Variants in ZNF737 observed in about 807,000 individuals in gnomAD.
ZNF737 encodes zinc finger protein 737, also known as zinc finger protein 102 (Y3).
In ZNF737, 13 loss-of-function variants were observed where a neutral mutation model predicts 11.7. That is an observed-to-expected ratio of 1.11 (90% confidence interval 0.73 to 1.77). The LOEUF is 1.77. ZNF737 is among the 40% of genes most tolerant of loss of function. The probability of loss-of-function intolerance (pLI) is 0.00; values close to 1 mark genes in which losing one functional copy is unlikely to be tolerated. For missense variants in ZNF737, 636 were observed against 638.0 expected (o/e 1.00, Z 0.03); for synonymous variants, 217 against 216.2 (o/e 1.00, Z -0.03).
At chr19:20,555,382 CTG>C (rs1442681259) in intron 1 of ZNF737, among the ~76,000 whole-genome samples, 2 of 152,036 alleles carry the variant, frequency 1.3e-5, no homozygotes, top group African/African-American at 4.8e-5. Flanking sequence ...CGGGGTTTCA[CTG>C]TGTTAGCCAG....
chr19:20,565,491 CG>C, intron 1 of ZNF737, 146 bp downstream of exon 1: 4 of 1,401,832 alleles, frequency 2.9e-6, no homozygotes, highest in Non-Finnish European at 4.0e-6. Flanking sequence ...TATGGCTGAA[CG>C]GGACTGAGGC....
At chr19:20,534,474 T>TATCTATCTATCTATCTATC (rs1555753467), downstream of ZNF737, among the ~76,000 whole-genome samples, 5 of 149,558 alleles carry the variant, frequency 3.3e-5, no homozygotes, top group African/African-American at 1.2e-4. Flanking sequence ...TCTATCTATC[T>TATCTATCTATCTATCTATC]ATCTATCTAT....
At chr19:20,532,753 C>T (rs1967861311), downstream of ZNF737, among the ~76,000 whole-genome samples, 1 of 150,030 alleles carries the variant, frequency 6.7e-6, no homozygotes, top group African/African-American at 2.5e-5. Flanking sequence ...CTGAGCCTTC[C>T]TCACAAAGCA....
intron 1 of ZNF737, among the ~76,000 whole-genome samples, chr19:20,555,285 C>G (rs1009796675): frequency 1.1e-4 from 17 of 151,982 alleles, no homozygotes; most frequent in African/African-American, 3.9e-4. Context: ...CAGGTTCAAG[C>G]TATTCTGCTG....
rs1485671044 is a variant in ZNF737, at chr19:20,540,864, C to G, written c.*3728G>C. On this transcript the variant is annotated 3_prime_UTR_variant, in exon 4 of 4. Coordinates refer to ENST00000427401, the MANE Select transcript of ZNF737 (RefSeq NM_001159293.2). Reference sequence around the variant, plus strand: ...TTTTAGTTTTATTCATTACAAATAACTATTTTTCTGGCTTAAATTATTTTT... The same window carrying G: ...TTTTAGTTTTATTCATTACAAATAAGTATTTTTCTGGCTTAAATTATTTTT... 10 of 947,986 alleles carry G rather than the reference C, an allele frequency of 1.1e-5. No homozygotes were observed. In the African/African-American group the frequency reaches 1.8e-4, roughly 17 times the overall value. 58.7% of individuals were successfully genotyped at this position (947,986 alleles called of 1,614,324 possible). A position where few individuals can be genotyped will look rare whatever the true frequency, so the allele number is the denominator to read the frequency against.
Position 20,541,936 on chromosome 19 carries a change from C to A in ZNF737, c.*2656G>T, listed in dbSNP as rs1306537937. On this transcript the variant is annotated 3_prime_UTR_variant, in exon 4 of 4. Transcript: ENST00000427401. ...CTGAGTCAAAAGATGCCATATAAGG[C>A]ATAAATATATACACATATTATATAC... The A allele has an allele frequency of 1.2e-6, 1 of 812,026 alleles. No individual in the cohort carries two copies. The highest frequency in any genetic ancestry group is 1.5e-6 in the Non-Finnish European group (1 of 672,918). The allele number at this position is 812,026 out of a possible 1,614,324, so 50.3% of individuals were successfully genotyped here.
intron 1 of ZNF737, among the ~76,000 whole-genome samples, chr19:20,562,510 ATTTTTC>A (rs1969136011): frequency 6.7e-6 from 1 of 149,500 alleles, no homozygotes; most frequent in East Asian, 2.0e-4. Flanking sequence ...ACAATACCTG[ATTTTTC>A]TTTTTCTTTT....
intron 3 of ZNF737, among the ~76,000 whole-genome samples, chr19:20,547,495 TATGATCAG>T (rs1232853635): frequency 1.3e-5 from 2 of 151,888 alleles, no homozygotes; most frequent in Admixed American, 6.6e-5. Flanking sequence ...CCCTTCTGTA[TATGATCAG>T]ATGATCTTCC....
intron 1 of ZNF737, among the ~76,000 whole-genome samples, chr19:20,555,478 G>A (rs910626112): frequency 3.6e-4 from 55 of 152,218 alleles, no homozygotes; most frequent in African/African-American, 1.1e-3. Flanking sequence ...CACTGCACCC[G>A]GCCAATAAGC....
At position 20,542,624 on chromosome 19, in the gene ZNF737, CTT is replaced by C. The variant is rs1183535740; in HGVS notation, c.*1966_*1967del. The C allele has an allele frequency of 8.2e-6, 8 of 973,186 alleles. No homozygotes were observed. The highest frequency in any genetic ancestry group is 6.2e-5 in the Admixed American group (1 of 16,228). 60.3% of individuals were successfully genotyped at this position (973,186 alleles called of 1,614,324 possible). The stretch of plus-strand genomic sequence containing the variant: ...TATTTTAATATACTTTTAATTATTT[CTT>C]TGTGTCACTATAATAAAGTATTGCT... On this transcript the variant is annotated 3_prime_UTR_variant, in exon 4 of 4. Coordinates refer to ENST00000427401, the MANE Select transcript of ZNF737 (RefSeq NM_001159293.2).
intron 1 of ZNF737, among the ~76,000 whole-genome samples, chr19:20,554,815 T>C (rs1968823274): frequency 6.6e-6 from 1 of 152,086 alleles, no homozygotes; most frequent in Non-Finnish European, 1.5e-5. Context: ...ATAAGTTTTT[T>C]CAGAACTTTC....
intron 3 of ZNF737, among the ~76,000 whole-genome samples, chr19:20,546,385 C>T (rs750743128): frequency 1.3e-5 from 2 of 152,032 alleles, no homozygotes; most frequent in African/African-American, 2.4e-5. Flanking sequence ...ATGAGAAATT[C>T]GCCCCCATGA....
Position 20,543,092 on chromosome 19 carries a change from TTGA to T in ZNF737, c.*1497_*1499del. The T allele has an allele frequency of 1.0e-5, 10 of 965,944 alleles. No individual in the cohort carries two copies. Among genetic ancestry groups the T allele is most frequent in the Non-Finnish European group, 1.2e-5 (10 of 812,970 alleles). 59.8% of individuals were successfully genotyped at this position (965,944 alleles called of 1,614,324 possible). ...CTTAGTTATTCTACTGTAAACTCTC[TTGA>T]TATTTATATACAATCTATTTTGAAT... On this transcript the variant is annotated 3_prime_UTR_variant, in exon 4 of 4. Coordinates refer to ENST00000427401, the MANE Select transcript of ZNF737 (RefSeq NM_001159293.2).
chr19:20,545,519 C>T lies in ZNF737; in HGVS notation c.684G>A (p.Arg228=), dbSNP rs782528277. 3.7e-6 allele frequency: 6 copies of T among 1,610,536 alleles called. No homozygotes were observed. The African/African-American group carries it at 8.1e-5, about 22-fold the overall frequency. The stretch of plus-strand genomic sequence containing the variant: ...CTTTGCCACAGTCTTCACATTTGTA[C>T]CGTTTCTCTCCAGTATGAATTCTCT... ...THKRIHTGEK[R]YKCEDCGKAF... is the part of the protein sequence containing the mutation. The change falls in exon 4 of 4, where the codon CGG becomes CGA. Residue 228 remains arginine (R), a synonymous_variant. Coordinates refer to ENST00000427401, the MANE Select transcript of ZNF737 (RefSeq NM_001159293.2).
At chr19:20,556,072 C>T (rs1398591340) in intron 1 of ZNF737, among the ~76,000 whole-genome samples, 1 of 152,140 alleles carries the variant, frequency 6.6e-6, no homozygotes, top group African/African-American at 2.4e-5. Context: ...TTTCTCCTTT[C>T]CTGTCCTCAG....
chr19:20,532,947 A>G (rs1356066765), downstream of ZNF737, among the ~76,000 whole-genome samples: 1 of 150,100 alleles, frequency 6.7e-6, no homozygotes, highest in Non-Finnish European at 1.5e-5. Context: ...TGCCTCAAAG[A>G]CAAAAAGACA....
At chr19:20,536,969 G>A (rs1438074586), downstream of ZNF737, among the ~76,000 whole-genome samples, 1 of 151,962 alleles carries the variant, frequency 6.6e-6, no homozygotes, top group Non-Finnish European at 1.5e-5. Context: ...TGGGCGTGGT[G>A]GCGGGTGCCT....
chr19:20,541,109 C>T lies in ZNF737; in HGVS notation c.*3483G>A. 5 of 983,876 alleles carry T rather than the reference C, an allele frequency of 5.1e-6. No homozygotes were observed. The highest frequency in any genetic ancestry group is 6.0e-6 in the Non-Finnish European group (5 of 828,580). The allele number at this position is 983,876 out of a possible 1,614,324, so 60.9% of individuals were successfully genotyped here. ...GGAGAATCCGAATCACAGGCCAGAA[C>T]ATTTTATATTAATAAATTCAATACA... is the stretch of plus-strand genomic sequence containing the variant. On this transcript the variant is annotated 3_prime_UTR_variant, in exon 4 of 4. Transcript: ENST00000427401.
chr19:20,554,491 G>C (rs1028969999), intron 1 of ZNF737, among the ~76,000 whole-genome samples: 10 of 152,256 alleles, frequency 6.6e-5, no homozygotes, highest in African/African-American at 2.2e-4. Flanking sequence ...GCTGCATAAA[G>C]ATACTTAATA....
Sources: gnomAD v4.1 joint callset for allele counts (sites outside exome capture counted in the v4.1 genomes callset) on GRCh38, gnomAD v4.1.1 for gene constraint, MANE v1.5 for transcripts, NCBI Gene and HGNC (gene_info 2026-07-23, HGNC 2026-07-21) for gene names.